TMEM74: variants seen among roughly 807,000 people sequenced by gnomAD.
TMEM74 encodes the protein transmembrane protein 74.
TMEM74 carries 13 observed loss-of-function variants against 18.1 expected under a neutral mutation model. That is an observed-to-expected ratio of 0.72 (90% CI 0.47 to 1.14). The LOEUF (loss-of-function observed/expected upper bound fraction) is 1.14. Ranked by LOEUF, TMEM74 falls within the 50% of genes most tolerant of loss-of-function variation. The probability of loss-of-function intolerance (pLI) is 0.00; values close to 1 mark genes in which losing one functional copy is unlikely to be tolerated. For synonymous variants in TMEM74, 159 were observed against 146.6 expected (o/e 1.08, Z -0.61); for missense variants, 372 against 375.9 (o/e 0.99, Z 0.09).
At chr8:108,664,042 A>G (rs1252659178) in intron 1 of TMEM74, among the ~76,000 whole-genome samples, 1 of 152,178 alleles carries the variant, frequency 6.6e-6, no homozygotes, top group East Asian at 1.9e-4. Context: ...TGATCTGTGC[A>G]GCAAACCACC....
intron 1 of TMEM74, among the ~76,000 whole-genome samples, chr8:108,706,895 A>G (rs1398406956): frequency 6.6e-6 from 1 of 152,070 alleles, no homozygotes; most frequent in Admixed American, 6.6e-5. Flanking sequence ...TAAAAAAGTC[A>G]CAGGGGCAGT....
At chr8:108,774,707 A>G (rs1056159855), downstream of TMEM74, among the ~76,000 whole-genome samples, 1 of 152,108 alleles carries the variant, frequency 6.6e-6, no homozygotes, top group South Asian at 2.1e-4. Flanking sequence ...ACACAAAGTA[A>G]ATGGGCATGG....
At chr8:108,742,461 C>T (rs2935786) in intron 1 of TMEM74, among the ~76,000 whole-genome samples, 46,484 of 151,992 alleles carry the variant, frequency 0.31, 7,483 homozygotes, top group Middle Eastern at 0.44. Flanking sequence ...CTGTTTTATA[C>T]GAAGCATAGT....
chr8:108,730,934 T>C (rs1813688865), intron 1 of TMEM74, among the ~76,000 whole-genome samples: 1 of 152,136 alleles, frequency 6.6e-6, no homozygotes, highest in Non-Finnish European at 1.5e-5. Context: ...CCTGCCACCA[T>C]GTGTTCTTAT....
intron 2 of TMEM74, among the ~76,000 whole-genome samples, chr8:108,615,625 GA>G (rs1812374903): frequency 6.6e-6 from 1 of 152,052 alleles, no homozygotes; most frequent in East Asian, 1.9e-4. Flanking sequence ...AATACCGGTG[GA>G]AGGGAGAAGA....
chr8:108,661,043 A>AT (rs931870420), intron 1 of TMEM74, among the ~76,000 whole-genome samples: 2 of 152,188 alleles, frequency 1.3e-5, no homozygotes, highest in Non-Finnish European at 2.9e-5. Context: ...TACTTGTAAA[A>AT]TAATCTCATA....
At chr8:108,642,842 G>A (rs1812679169) in intron 2 of TMEM74, among the ~76,000 whole-genome samples, 1 of 152,132 alleles carries the variant, frequency 6.6e-6, no homozygotes, top group South Asian at 2.1e-4. Flanking sequence ...ATCATGAAAA[G>A]TTATTAAATT....
chr8:108,692,876 C>T (rs185864330), intron 1 of TMEM74, among the ~76,000 whole-genome samples: 170 of 152,134 alleles, frequency 1.1e-3, no homozygotes, highest in Middle Eastern at 6.8e-3. Flanking sequence ...CTGCTGCAGC[C>T]CTATTCAAAA....
chr8:108,658,042 A>C (rs1812863249), intron 1 of TMEM74, among the ~76,000 whole-genome samples: 2 of 151,182 alleles, frequency 1.3e-5, no homozygotes, highest in South Asian at 4.2e-4. Context: ...CAGAAGGAAA[A>C]TGAGAAGACC....
chr8:108,745,143 C>T (rs533294128), intron 1 of TMEM74, among the ~76,000 whole-genome samples: 2 of 152,132 alleles, frequency 1.3e-5, no homozygotes, highest in African/African-American at 2.4e-5. Context: ...AACTCTTCAG[C>T]CTCTTTCTTC....
At chr8:108,694,185 C>T (rs889915750) in intron 1 of TMEM74, among the ~76,000 whole-genome samples, 2 of 152,124 alleles carry the variant, frequency 1.3e-5, no homozygotes, top group East Asian at 1.9e-4. Flanking sequence ...TTAAAGTGTA[C>T]AATCAATGGC....
downstream of TMEM74, among the ~76,000 whole-genome samples, chr8:108,776,917 G>C (rs527350427): frequency 1.6e-3 from 241 of 152,224 alleles, no homozygotes; most frequent in Middle Eastern, 0.017. Context: ...GCCCAATTCA[G>C]TTTTTCATCA....
At chr8:108,690,978 C>A (rs900685578) in intron 1 of TMEM74, among the ~76,000 whole-genome samples, 2 of 152,166 alleles carry the variant, frequency 1.3e-5, no homozygotes, top group Non-Finnish European at 2.9e-5. Context: ...GGCATGGAGG[C>A]TGGGTTTAAA....
intron 2 of TMEM74, among the ~76,000 whole-genome samples, chr8:108,610,238 G>C (rs867346507): frequency 1.3e-5 from 2 of 152,180 alleles, no homozygotes; most frequent in African/African-American, 4.8e-5. Context: ...GAGAAGGACT[G>C]AGATCATCCT....
intron 1 of TMEM74, among the ~76,000 whole-genome samples, chr8:108,671,378 A>T (rs1813003162): frequency 6.6e-6 from 1 of 152,170 alleles, no homozygotes; most frequent in African/African-American, 2.4e-5. Flanking sequence ...TGCCAAGGTT[A>T]GAAGGCCCCC....
intron 2 of TMEM74, among the ~76,000 whole-genome samples, chr8:108,649,537 T>C (rs908530075): frequency 6.6e-6 from 1 of 152,186 alleles, no homozygotes; most frequent in Non-Finnish European, 1.5e-5. Context: ...AATGCCAAAA[T>C]TGAGATTTCA....
At chr8:108,657,339 G>A (rs946384643) in intron 1 of TMEM74, among the ~76,000 whole-genome samples, 1 of 151,894 alleles carries the variant, frequency 6.6e-6, no homozygotes, top group African/African-American at 2.4e-5. Flanking sequence ...TTACAAGCAG[G>A]AGAGGTAAAT....
chr8:108,765,299 G>T lies in TMEM74; in HGVS notation n.119+22177C>A, dbSNP rs566607765. On this transcript the variant is annotated intron_variant and non_coding_transcript_variant, in intron 1 of 3. Transcript: ENST00000518838. Reference sequence around the variant, plus strand: ...ACTGTCAGTGATACTGGAATTTTTAGTCAAGATTCTGAGAGGCTTCCATCA... The same window carrying T: ...ACTGTCAGTGATACTGGAATTTTTATTCAAGATTCTGAGAGGCTTCCATCA... Among the ~76,000 whole-genome samples the T allele has an allele frequency of 2.6e-5, 4 of 151,940 alleles. No individual in the cohort carries two copies. In the East Asian group the frequency reaches 7.8e-4, roughly 30 times the overall value.
chr8:108,727,442 T>C (rs189641587), intron 1 of TMEM74, among the ~76,000 whole-genome samples: 57 of 152,172 alleles, frequency 3.7e-4, no homozygotes, highest in Non-Finnish European at 7.5e-4. Flanking sequence ...AGATTAGATG[T>C]GGAATATGAT....
Sources: gnomAD v4.1 joint callset for allele counts (sites outside exome capture counted in the v4.1 genomes callset) on GRCh38, gnomAD v4.1.1 for gene constraint, MANE v1.5 for transcripts, NCBI Gene and HGNC (gene_info 2026-07-23, HGNC 2026-07-21) for gene names.